The following IL18RAP variants were observed in gnomAD, a reference collection of about 807,000 sequenced individuals.
IL18RAP encodes interleukin-18 receptor accessory protein.
IL18RAP carries 37 observed loss-of-function variants against 58.1 expected under a neutral mutation model. The ratio of observed to expected loss-of-function variants is 0.64; its 90% confidence interval spans 0.49 to 0.84. The LOEUF is 0.84. IL18RAP is among the 40% of genes least tolerant of loss of function. The pLI is 0.00. For missense variants in IL18RAP, 667 were observed against 704.8 expected, an observed-to-expected ratio of 0.95 and a Z score of 0.61; for synonymous variants, 268 against 257.5, an observed-to-expected ratio of 1.04 and a Z score of -0.39.
chr2:102,437,861 T>C (rs1302190908), intron 4 of IL18RAP, among the ~76,000 whole-genome samples: 4 of 152,242 alleles, frequency 2.6e-5, no homozygotes, highest in South Asian at 2.1e-4. Flanking sequence ...TTTCTACATA[T>C]GTATGCATCT....
At chr2:102,422,359 C>T (rs1413081427), upstream of IL18RAP, among the ~76,000 whole-genome samples, 1 of 152,224 alleles carries the variant, frequency 6.6e-6, no homozygotes, top group South Asian at 2.1e-4. Flanking sequence ...CCCTGGCCTA[C>T]TTTTAAAGGT....
Position 102,451,767 on chromosome 2 carries a change from G to A in IL18RAP, c.1386G>A (p.Val462=). 1 of 1,601,242 alleles carries A rather than the reference G, an allele frequency of 6.2e-7. No homozygotes were observed. The highest frequency in any genetic ancestry group is 8.5e-7 in the Non-Finnish European group (1 of 1,172,162). ...AATAATCAAATGTTTTATTTCCAGT[G>A]TATGCAGAAGACATTGTGAGCATTA... The part of the protein sequence containing the change: ...LLERDVAPGG[V]YAEDIVSIIK... The change falls in exon 10 of 10, where the codon GTG becomes GTA. Residue 462 remains valine (V), a splice_region_variant and synonymous_variant. Coordinates refer to ENST00000687160, the MANE Select transcript of IL18RAP (RefSeq NM_001393487.1).
intron 3 of IL18RAP, among the ~76,000 whole-genome samples, chr2:102,430,107 T>C (rs1290595434): frequency 6.6e-6 from 1 of 151,996 alleles, no homozygotes; most frequent in South Asian, 2.1e-4. Flanking sequence ...TCAAGGCCAA[T>C]TTTTGAAGTT....
chr2:102,452,488 G>A lies in IL18RAP; in HGVS notation c.*307G>A, dbSNP rs540196546. Reference sequence around the variant, plus strand: ...CAGCTACTTCTGCCTTATGGCTAGGGAACTGTCATGTCTACCATGTATTGT... The same window carrying A: ...CAGCTACTTCTGCCTTATGGCTAGGAAACTGTCATGTCTACCATGTATTGT... On this transcript the variant is annotated 3_prime_UTR_variant, in exon 10 of 10. Coordinates refer to ENST00000687160, the MANE Select transcript of IL18RAP (RefSeq NM_001393487.1). 1 of 326,080 alleles carries A rather than the reference G, an allele frequency of 3.1e-6. No individual in the cohort carries two copies. Among genetic ancestry groups the A allele is most frequent in the East Asian group, 5.1e-5 (1 of 19,600 alleles). 20.2% of individuals were successfully genotyped at this position (326,080 alleles called of 1,614,324 possible). A position where few individuals can be genotyped will look rare whatever the true frequency, so the allele number is the denominator to read the frequency against.
At chr2:102,449,530 A>C (rs1683634987) in intron 8 of IL18RAP, among the ~76,000 whole-genome samples, 1 of 152,160 alleles carries the variant, frequency 6.6e-6, no homozygotes, top group Non-Finnish European at 1.5e-5. Context: ...TAGTGATCAG[A>C]TCTGGAGGCA....
At chr2:102,443,410 G>A in intron 6 of IL18RAP, 87 bp downstream of exon 6, 3 of 1,464,692 alleles carry the variant, frequency 2.0e-6, no homozygotes, top group Non-Finnish European at 2.8e-6. Context: ...ACAGTTGATG[G>A]TGTAGCCACC....
chr2:102,446,106 G>A (rs1042677616), intron 7 of IL18RAP, among the ~76,000 whole-genome samples: 1 of 152,120 alleles, frequency 6.6e-6, no homozygotes, highest in Non-Finnish European at 1.5e-5. Context: ...GGCTGCAGTA[G>A]GAATGATAAT....
At chr2:102,422,924 GA>G (rs1291246491), upstream of IL18RAP, among the ~76,000 whole-genome samples, 8 of 151,992 alleles carry the variant, frequency 5.3e-5, no homozygotes, top group Non-Finnish European at 1.0e-4. Flanking sequence ...GCACATCAAA[GA>G]AAAAAGATTA....
intron 9 of IL18RAP, 120 bp from the exon 10 acceptor site, chr2:102,451,646 T>C (rs1158299331): frequency 3.8e-6 from 3 of 783,314 alleles, no homozygotes; most frequent in African/African-American, 3.5e-5. Flanking sequence ...GCTGATACAG[T>C]GTAAGTGGTA....
Position 102,450,881 on chromosome 2 carries a change from C to A in IL18RAP, c.1244C>A (p.Ala415Glu). ...GATTTTGATGCTTTCGTATCCTATG[C>A]AAAATGGAGCTCTTTTCCAAGTGAG... is the stretch of plus-strand genomic sequence containing the variant. Reference protein sequence around the residue: ...KKDFDAFVSYAKWSSFPSEAT... With the variant: ...KKDFDAFVSYEKWSSFPSEAT... The change falls in exon 9 of 10, where the codon GCA becomes GAA. Residue 415 changes from alanine to glutamate, a missense_variant. By Grantham distance (107) the Ala-to-Glu change is moderately radical. Transcript: ENST00000687160. 6.2e-7 allele frequency: 1 copy of A among 1,607,554 alleles called. No homozygotes were observed. The highest frequency in any genetic ancestry group is 8.5e-7 in the Non-Finnish European group (1 of 1,177,808).
chr2:102,419,803 T>G (rs2104274420), upstream of IL18RAP: 2 of 152,418 alleles, frequency 1.3e-5, no homozygotes, highest in South Asian at 4.1e-4. Flanking sequence ...ACCAGGTATG[T>G]GATTATCATT....
intron 7 of IL18RAP, 57 bp downstream of exon 7, chr2:102,445,397 A>G (rs1419180111): frequency 6.5e-7 from 1 of 1,531,350 alleles, no homozygotes. Flanking sequence ...AGAGGGGAGG[A>G]GTTTTCCTAA....
chr2:102,429,658 T>G (rs1682206521), intron 3 of IL18RAP, among the ~76,000 whole-genome samples: 1 of 151,970 alleles, frequency 6.6e-6, no homozygotes, highest in Non-Finnish European at 1.5e-5. Context: ...CTGTGTATCA[T>G]TAGATTGCTT....
At chr2:102,443,707 C>T (rs1298399296) in intron 6 of IL18RAP, among the ~76,000 whole-genome samples, 1 of 152,086 alleles carries the variant, frequency 6.6e-6, no homozygotes, top group Non-Finnish European at 1.5e-5. Context: ...GGGTAATGAA[C>T]AGTCTAGAAA....
chr2:102,440,777 G>T (rs1219550132), intron 4 of IL18RAP, among the ~76,000 whole-genome samples: 1 of 152,154 alleles, frequency 6.6e-6, no homozygotes, highest in East Asian at 1.9e-4. Context: ...ACACCTTCAG[G>T]AGGAAGTTTG....
Position 102,452,407 on chromosome 2 carries a change from T to G in IL18RAP, c.*226T>G, listed in dbSNP as rs1683829670. On this transcript the variant is annotated 3_prime_UTR_variant, in exon 10 of 10. Transcript: ENST00000687160. ...AGTGAATTCTCTAGACCTTGGGTAC[T>G]TTCAGTACACAACACCCCTAAGATT... is the stretch of plus-strand genomic sequence containing the variant. 1 of 483,220 alleles carries G rather than the reference T, an allele frequency of 2.1e-6. No individual in the cohort carries two copies. The highest frequency in any genetic ancestry group is 4.2e-5 in the South Asian group (1 of 23,688). 29.9% of individuals were successfully genotyped at this position (483,220 alleles called of 1,614,324 possible). A position where few individuals can be genotyped will look rare whatever the true frequency, so the allele number is the denominator to read the frequency against.
chr2:102,418,966 T>TC (rs1474382058), upstream of IL18RAP: 3 of 152,368 alleles, frequency 2.0e-5, no homozygotes, highest in African/African-American at 7.2e-5. Context: ...TTCTTTTTTT[T>TC]CACTAGATTT....
chr2:102,443,139 A>T, intron 5 of IL18RAP, 61 bp from the exon 6 acceptor site: 10 of 1,542,074 alleles, frequency 6.5e-6, no homozygotes, highest in Non-Finnish European at 8.8e-6. Flanking sequence ...TTCCTCCCAG[A>T]TGTAGGACAA....
intron 8 of IL18RAP, among the ~76,000 whole-genome samples, chr2:102,448,581 G>A (rs1199438084): frequency 2.0e-5 from 3 of 152,114 alleles, no homozygotes; most frequent in African/African-American, 7.2e-5. Flanking sequence ...CTTACTGAGA[G>A]GCCCCTCCAA....
Sources: gnomAD v4.1 joint callset for allele counts (sites outside exome capture counted in the v4.1 genomes callset) on GRCh38, gnomAD v4.1.1 for gene constraint, MANE v1.5 for transcripts, NCBI Gene and HGNC (gene_info 2026-07-23, HGNC 2026-07-21) for gene names.